The following PILRA variants were observed in gnomAD, a reference collection of about 807,000 sequenced individuals.
PILRA encodes paired immunoglobulin-like type 2 receptor alpha.
A neutral mutation model predicts 33.1 loss-of-function variants in PILRA; 37 were observed. The ratio of observed to expected loss-of-function variants is 1.12; its 90% CI spans 0.86 to 1.47. The LOEUF (loss-of-function observed/expected upper bound fraction) is 1.47, where lower values mean the gene tolerates loss of function less well. Among genes scored for constraint, PILRA ranks in the 40% most tolerant of loss-of-function variants. The pLI is 0.00. For synonymous variants in PILRA, 146 were observed against 149.9 expected, an observed-to-expected ratio of 0.97 and a Z score of 0.19; for missense variants, 312 against 376.2, an observed-to-expected ratio of 0.83 and a Z score of 1.41.
At chr7:100,395,554 C>T (rs1431759427) in intron 3 of PILRA, among the ~76,000 whole-genome samples, 3 of 152,106 alleles carry the variant, frequency 2.0e-5, no homozygotes, top group Non-Finnish European at 4.4e-5. Flanking sequence ...TATACAGGCT[C>T]AGATATTCTT....
Position 100,383,018 on chromosome 7 carries a change from C to G in PILRA, c.455-6870C>G, listed in dbSNP as rs561229933. Among the ~76,000 whole-genome samples, 6 of 152,250 alleles carry G rather than the reference C, an allele frequency of 3.9e-5. No homozygotes were observed. The South Asian group carries it at 6.2e-4, about 16-fold the overall frequency. On this transcript the variant is annotated intron_variant, in intron 2 of 6. Coordinates refer to ENST00000198536, the MANE Select transcript of PILRA (RefSeq NM_013439.3). Reference sequence around the variant, plus strand: ...ACAAATGGATCAATTCTGTTTGTGTCAGGTGATGGTGAAAAGAGAAAAGAG... The same window carrying G: ...ACAAATGGATCAATTCTGTTTGTGTGAGGTGATGGTGAAAAGAGAAAAGAG...
chr7:100,373,007 CGAGA>C (rs553806227), upstream of PILRA, among the ~76,000 whole-genome samples: 50 of 151,802 alleles, frequency 3.3e-4, no homozygotes, highest in East Asian at 7.6e-3. Context: ...GTGCCTGCAC[CGAGA>C]GAGGGCCTGG....
chr7:100,397,316 T>C (rs1054359924), intron 3 of PILRA, among the ~76,000 whole-genome samples: 20 of 149,934 alleles, frequency 1.3e-4, no homozygotes, highest in African/African-American at 4.7e-4. Context: ...GCCACGGGGA[T>C]GGGAGGGGCA....
intron 3 of PILRA, among the ~76,000 whole-genome samples, chr7:100,391,278 C>T (rs1195978388): frequency 1.3e-5 from 2 of 150,804 alleles, no homozygotes; most frequent in African/African-American, 4.9e-5. Flanking sequence ...TTGCTTGAGC[C>T]CAGGAGTTTA....
intron 3 of PILRA, among the ~76,000 whole-genome samples, chr7:100,395,249 T>G (rs1223788730): frequency 6.6e-6 from 1 of 152,174 alleles, no homozygotes; most frequent in East Asian, 1.9e-4. Flanking sequence ...GTGTGACAAC[T>G]GGGAGGTAGT....
At chr7:100,392,344 T>C (rs1348917949) in intron 3 of PILRA, among the ~76,000 whole-genome samples, 2 of 151,892 alleles carry the variant, frequency 1.3e-5, no homozygotes, top group Non-Finnish European at 2.9e-5. Context: ...GGGAGGAGCA[T>C]GGGGTTGGGG....
upstream of PILRA, among the ~76,000 whole-genome samples, chr7:100,371,612 C>G (rs1334030120): frequency 6.6e-6 from 1 of 152,098 alleles, no homozygotes; most frequent in Non-Finnish European, 1.5e-5. Flanking sequence ...CCCCTGCTCC[C>G]CACACACGAC....
chr7:100,374,495 T>C (rs762708083), intron 2 of PILRA, 62 bp downstream of exon 2: 19 of 1,585,686 alleles, frequency 1.2e-5, no homozygotes, highest in African/African-American at 5.4e-5. Flanking sequence ...TGATCACTGG[T>C]GACATCGTCC....
chr7:100,382,305 C>G (rs985333280), intron 2 of PILRA, among the ~76,000 whole-genome samples: 10 of 151,984 alleles, frequency 6.6e-5, no homozygotes, highest in African/African-American at 1.9e-4. Flanking sequence ...CAATCAGTAC[C>G]CTGTGTCTAG....
At chr7:100,388,187 T>C (rs918735355) in intron 2 of PILRA, among the ~76,000 whole-genome samples, 2 of 152,182 alleles carry the variant, frequency 1.3e-5, no homozygotes, top group African/African-American at 4.8e-5. Flanking sequence ...AATCAAGACA[T>C]AGCATTTACA....
chr7:100,385,934 CTT>C (rs570383071), intron 2 of PILRA, among the ~76,000 whole-genome samples: 4 of 142,242 alleles, frequency 2.8e-5, no homozygotes, highest in Admixed American at 1.4e-4. Flanking sequence ...CGGCCTATGT[CTT>C]TTTTTTTTTT....
intron 2 of PILRA, among the ~76,000 whole-genome samples, chr7:100,376,656 T>TAA (rs1256678470): frequency 3.3e-5 from 5 of 151,700 alleles, no homozygotes; most frequent in Non-Finnish European, 5.9e-5. Flanking sequence ...AACACAGGGT[T>TAA]TCACCATGTT....
chr7:100,381,650 C>T (rs1453107744), intron 2 of PILRA, among the ~76,000 whole-genome samples: 2 of 152,228 alleles, frequency 1.3e-5, no homozygotes, highest in African/African-American at 4.8e-5. Flanking sequence ...CCCTTCATCC[C>T]GCCGCTGCAC....
At chr7:100,389,729 T>C (rs545652709) in intron 2 of PILRA, among the ~76,000 whole-genome samples, 159 bp from the exon 3 acceptor site, 8 of 152,166 alleles carry the variant, frequency 5.3e-5, no homozygotes, top group African/African-American at 1.2e-4. Flanking sequence ...CATTGAAAGC[T>C]GTTAACATTT....
intron 3 of PILRA, among the ~76,000 whole-genome samples, chr7:100,397,437 C>T (rs1278432017): frequency 2.0e-5 from 3 of 151,740 alleles, no homozygotes; most frequent in Admixed American, 6.6e-5. Flanking sequence ...GTCCCAAGCA[C>T]GACGCTCCCA....
intron 2 of PILRA, among the ~76,000 whole-genome samples, chr7:100,380,915 G>A (rs886507981): frequency 3.3e-5 from 5 of 152,014 alleles, no homozygotes; most frequent in African/African-American, 1.2e-4. Context: ...AGGTGGCAGT[G>A]AGCTGAGATC....
intron 2 of PILRA, 45 bp from the exon 3 acceptor site, chr7:100,389,843 C>A: frequency 6.5e-7 from 1 of 1,544,666 alleles, no homozygotes; most frequent in South Asian, 1.1e-5. Flanking sequence ...CCCAGACACC[C>A]TGTGCCCCCA....
intron 2 of PILRA, among the ~76,000 whole-genome samples, chr7:100,379,315 A>G (rs1404248504): frequency 2.0e-5 from 3 of 151,494 alleles, no homozygotes; most frequent in Admixed American, 6.6e-5. Flanking sequence ...AGGAGGTGGC[A>G]GTTGCAGTGA....
chr7:100,386,299 C>T (rs775162660), intron 2 of PILRA, among the ~76,000 whole-genome samples: 5 of 152,100 alleles, frequency 3.3e-5, no homozygotes, highest in Admixed American at 6.5e-5. Flanking sequence ...TTTAAATGGC[C>T]GCATGCATCC....
Sources: allele counts gnomAD v4.1 joint callset (sites outside exome capture counted in the v4.1 genomes callset), GRCh38; gene constraint gnomAD v4.1.1; transcripts MANE v1.5; gene names NCBI Gene and HGNC (gene_info 2026-07-23, HGNC 2026-07-21).